Variants in CCDC57 observed in about 807,000 individuals in gnomAD.
CCDC57 encodes coiled-coil domain containing 57.
In CCDC57, 118 loss-of-function variants were observed where a neutral mutation model predicts 118.9. The ratio of observed to expected loss-of-function variants is 0.99; its 90% CI spans 0.86 to 1.16. CCDC57 has a LOEUF of 1.16. Ranked by LOEUF, CCDC57 falls within the 50% of genes most tolerant of loss-of-function variation. CCDC57 has a pLI of 0.00. For synonymous variants in CCDC57, 527 were observed against 532.9 expected, an observed-to-expected ratio of 0.99 and a Z score of 0.15; for missense variants, 1,300 against 1,320.7, an observed-to-expected ratio of 0.98 and a Z score of 0.24.
At chr17:82,168,527 G>A (rs949677861) in intron 13 of CCDC57, among the ~76,000 whole-genome samples, 17 of 152,192 alleles carry the variant, frequency 1.1e-4, no homozygotes, top group African/African-American at 4.1e-4. Flanking sequence ...GAACCCAGGA[G>A]GCAGAGGTTG....
intron 16 of CCDC57, among the ~76,000 whole-genome samples, chr17:82,144,550 A>C (rs1169636505): frequency 6.6e-6 from 1 of 150,582 alleles, no homozygotes; most frequent in Non-Finnish European, 1.5e-5. Flanking sequence ...TGTCCGATCA[A>C]CTGCTCTCCA....
intron 19 of CCDC57, among the ~76,000 whole-genome samples, chr17:82,122,753 C>T (rs1015667940): frequency 2.6e-5 from 4 of 152,226 alleles, no homozygotes; most frequent in Non-Finnish European, 4.4e-5. Context: ...ACACGGGCAC[C>T]GAGCCCCTTC....
chr17:82,150,530 GGTGCACATCCAGA>G (rs2041819869), intron 16 of CCDC57, among the ~76,000 whole-genome samples: 1 of 89,494 alleles, frequency 1.1e-5, no homozygotes, highest in East Asian at 7.7e-4. Flanking sequence ...CTCAGAACCT[GGTGCACATCCAGA>G]ACCTGACCCA....
rs983500982 is a variant in CCDC57 at position 82,172,523 on chromosome 17, T to A, written c.1729+115A>T. On this transcript the variant is annotated intron_variant, in intron 12 of 19. Coordinates refer to ENST00000665763, the Ensembl canonical transcript of CCDC57. This position sits in a 1 kb window ranked among gnomAD's most constrained non-coding sequence, Gnocchi z 5.2. ...GTTTATTACAGGGGATGTTAACTTA[T>A]AGGACTCTGAAATGAAGCCTCCTTG... The A allele has an allele frequency of 1.1e-5, 9 of 833,652 alleles. No individual in the cohort carries two copies. In the Admixed American group the frequency reaches 1.5e-4, roughly 14 times the overall value. 51.6% of individuals were successfully genotyped at this position (833,652 alleles called of 1,614,324 possible).
At chr17:82,181,635 A>C (rs2046221193) in intron 9 of CCDC57, among the ~76,000 whole-genome samples, 1 of 152,238 alleles carries the variant, frequency 6.6e-6, no homozygotes, top group Non-Finnish European at 1.5e-5. Context: ...CTCAGAAATA[A>C]AGATATGATG....
intron 19 of CCDC57, chr17:82,113,289 T>C (rs1387030171): frequency 3.0e-6 from 2 of 659,166 alleles, no homozygotes; most frequent in African/African-American, 3.6e-5. Context: ...AGAGCACTGG[T>C]TCTTGGATTC....
intron 3 of CCDC57, among the ~76,000 whole-genome samples, chr17:82,198,684 T>G (rs568229018): frequency 3.0e-4 from 45 of 150,198 alleles, no homozygotes; most frequent in African/African-American, 9.8e-4. Flanking sequence ...AAAAAAAACC[T>G]GACAACCAAA....
intron 17 of CCDC57, 77 bp downstream of exon 16, chr17:82,133,996 C>T: frequency 7.9e-7 from 1 of 1,264,240 alleles, no homozygotes; most frequent in South Asian, 2.6e-5. Context: ...TTATTGTAAT[C>T]TGAAGTTTCT....
intron 13 of CCDC57, among the ~76,000 whole-genome samples, chr17:82,171,433 AAC>A: frequency 7.0e-6 from 1 of 142,104 alleles, no homozygotes; most frequent in African/African-American, 2.7e-5. Flanking sequence ...CAAAACAGGG[AAC>A]GCTGACTGCA....
chr17:82,134,123 A>G, exon 17 of CCDC57: 1 of 1,413,098 alleles, frequency 7.1e-7, no homozygotes, highest in Non-Finnish European at 9.3e-7. Context: ...CTGCGATCCA[A>G]AGGCCTCCTG....
At chr17:82,128,578 T>A (rs1383598451) in exon 18 of CCDC57, 1 of 1,567,344 alleles carries the variant, frequency 6.4e-7, no homozygotes, top group Non-Finnish European at 8.7e-7. Context: ...AGGAGCCTCA[T>A]CCTCGGCACT....
chr17:82,166,788 A>G (rs2044039011), intron 13 of CCDC57, among the ~76,000 whole-genome samples: 1 of 151,362 alleles, frequency 6.6e-6, no homozygotes, highest in Admixed American at 6.6e-5. Flanking sequence ...GCACACCTGT[A>G]GCCTGTAGTC....
rs938497290 is a variant in CCDC57, at chr17:82,157,843, G to C, written c.2146C>G (p.Leu716Val). 1 of 1,598,078 alleles carries C rather than the reference G, an allele frequency of 6.3e-7. No individual in the cohort carries two copies. Among genetic ancestry groups the C allele is most frequent in the African/African-American group, 1.3e-5 (1 of 74,520 alleles). ...TGGGCTATCCTGAGATGCTTCCCCA[G>C]CTCAGCCACCTGCTTCCGCAGCTCC... The change falls in exon 15 of 20, where the codon CTG (leucine) becomes GTG (valine). Residue 716 changes from leucine (L) to valine (V), a missense_variant. Coordinates refer to ENST00000665763, the Ensembl canonical transcript of CCDC57.
intron 13 of CCDC57, among the ~76,000 whole-genome samples, chr17:82,164,926 C>T (rs2043795237): frequency 1.3e-5 from 2 of 152,066 alleles, no homozygotes; most frequent in African/African-American, 4.8e-5. Flanking sequence ...TTTATGAGGC[C>T]AGCGTAACTC....
chr17:82,125,871 G>T (rs1003571221), intron 19 of CCDC57, among the ~76,000 whole-genome samples: 7 of 152,150 alleles, frequency 4.6e-5, no homozygotes, highest in Non-Finnish European at 8.8e-5. Flanking sequence ...GAACCGTCCG[G>T]ATATAGCTCC....
intron 19 of CCDC57, among the ~76,000 whole-genome samples, chr17:82,108,209 G>A (rs142335269): frequency 0.018 from 2,746 of 152,298 alleles, 43 homozygotes; most frequent in Middle Eastern, 0.078. Context: ...AGTGACCTGC[G>A]GCCGCTCTGG....
intron 17 of CCDC57, among the ~76,000 whole-genome samples, chr17:82,133,385 A>G (rs2038695839): frequency 6.6e-6 from 1 of 150,702 alleles, no homozygotes; most frequent in Non-Finnish European, 1.5e-5. Context: ...AAGGACAAAA[A>G]AAAAAGAAGT....
At chr17:82,151,377 G>A (rs368385254) in intron 16 of CCDC57, among the ~76,000 whole-genome samples, 183 bp downstream of exon 15, 38 of 116,396 alleles carry the variant, frequency 3.3e-4, no homozygotes, top group African/African-American at 1.2e-3. Context: ...CCAGAACCTG[G>A]CACACACCCA....
At chr17:82,194,761 G>A (rs2146758786) in intron 5 of CCDC57, among the ~76,000 whole-genome samples, 1 of 152,312 alleles carries the variant, frequency 6.6e-6, no homozygotes, top group East Asian at 1.9e-4. Context: ...TAAACACAAA[G>A]CCAGGGGTCT....
Sources: gnomAD v4.1 joint callset for allele counts (sites outside exome capture counted in the v4.1 genomes callset) on GRCh38, gnomAD v4.1.1 for gene constraint, Gnocchi (gnomAD v3.1) non-coding constraint, MANE v1.5 for transcripts, NCBI Gene and HGNC (gene_info 2026-07-23, HGNC 2026-07-21) for gene names.